Variants in IGSF8 observed in about 807,000 individuals in gnomAD.
The protein encoded by IGSF8 is immunoglobulin superfamily member 8.
IGSF8 carries 46 observed loss-of-function variants against 55.5 expected under a neutral mutation model. That is an observed-to-expected ratio of 0.83 (90% confidence interval 0.65 to 1.06). IGSF8 has a LOEUF of 1.06. Ranked by LOEUF, IGSF8 falls within the 50% of genes least tolerant of loss-of-function variation. IGSF8 has a pLI of 0.00. For missense variants in IGSF8, 731 were observed against 832.3 expected (o/e 0.88, Z 1.50); for synonymous variants, 314 against 356.1 (o/e 0.88, Z 1.33).
At chr1:160,096,030 C>A (rs1650410184) in intron 1 of IGSF8, among the ~76,000 whole-genome samples, 1 of 152,208 alleles carries the variant, frequency 6.6e-6, no homozygotes, top group Admixed American at 6.5e-5. Flanking sequence ...GGTATGCATT[C>A]ATTTACATAT....
rs1649965542 is a variant in IGSF8 at position 160,091,721 on chromosome 1, G to A, written c.*15+87C>T. ...ATCTGAGCTGCCTACTCCTCCTCCA[G>A]GTGGGGCCTGGGAGGGAGCAGCTTG... On this transcript the variant is annotated intron_variant, in intron 6 of 6. Transcript: ENST00000314485. 10 of 835,992 alleles carry A rather than the reference G, an allele frequency of 1.2e-5. No homozygotes were observed. The South Asian group carries it at 1.5e-4, about 12-fold the overall frequency. The allele number at this position is 835,992 out of a possible 1,614,324, so 51.8% of individuals were successfully genotyped here. A position where few individuals can be genotyped will look rare whatever the true frequency, so the allele number is the denominator to read the frequency against.
intron 1 of IGSF8, among the ~76,000 whole-genome samples, chr1:160,095,830 G>A (rs1650391945): frequency 6.6e-6 from 1 of 152,204 alleles, no homozygotes; most frequent in Admixed American, 6.5e-5. Flanking sequence ...GCTGCGCCAT[G>A]AGCTCACTGC....
chr1:160,092,123 T>G (rs1650001519), intron 5 of IGSF8, among the ~76,000 whole-genome samples, 159 bp downstream of exon 5: 1 of 152,024 alleles, frequency 6.6e-6, no homozygotes, highest in South Asian at 2.1e-4. Flanking sequence ...CCCGTGCAGG[T>G]GGGCACTGCA....
In IGSF8 at chr1:160,094,088, C is replaced by T. The variant is rs753454622; in HGVS notation, c.526G>A (p.Val176Met). Residue 176 changes from valine (V) to methionine (M), a missense_variant, in exon 3 of 7, where the codon GTG (valine) becomes ATG (methionine). By Grantham distance (21) the Val-to-Met change is conservative (BLOSUM62 1). Coordinates refer to ENST00000314485, the MANE Select transcript of IGSF8 (RefSeq NM_052868.6). The surrounding 1 kb of genome is among the most constrained non-coding windows in gnomAD (Gnocchi z 4.0). ...QAPTSPPRMTVHEGQELALGC... is the reference protein window; with the variant it reads ...QAPTSPPRMTMHEGQELALGC... The stretch of plus-strand genomic sequence containing the variant: ...AGTGCCAGCTCCTGCCCCTCATGCA[C>T]CGTCATGCGTGGGGGTGAGGTTGGG... The T allele has an allele frequency of 3.7e-6, 6 of 1,612,246 alleles. No homozygotes were observed. Among genetic ancestry groups the T allele is most frequent in the African/African-American group, 1.3e-5 (1 of 74,944 alleles).
In IGSF8 at chr1:160,098,390, G is replaced by A; in HGVS notation, c.64+19C>T. 1 of 1,552,458 alleles carries A rather than the reference G, an allele frequency of 6.4e-7. No homozygotes were observed. The highest frequency in any genetic ancestry group is 8.7e-7 in the Non-Finnish European group (1 of 1,147,064). On this transcript the variant is annotated intron_variant, in intron 1 of 6. Coordinates refer to ENST00000314485, the MANE Select transcript of IGSF8 (RefSeq NM_052868.6). ...ACCTGCCCGGCAGGGCCGGGAACCG[G>A]AACGGGGGCCTGGCTTACCTAGCAT... is the stretch of plus-strand genomic sequence containing the variant.
At chr1:160,097,588 C>T (rs984497145) in intron 1 of IGSF8, 21 of 637,070 alleles carry the variant, frequency 3.3e-5, no homozygotes, top group Non-Finnish European at 3.9e-5. Context: ...GTCTCCATGC[C>T]ATACTCTTCC....
In IGSF8 at chr1:160,092,574, G is replaced by T. The variant is rs1363652192; in HGVS notation, c.1434C>A (p.Ser478Arg). 5.0e-6 allele frequency: 8 copies of T among 1,609,728 alleles called. No homozygotes were observed. The highest frequency in any genetic ancestry group is 1.3e-5 in the African/African-American group (1 of 74,948). ...CGTCCTCTGGTCGCTCCACCCACCA[G>T]CTGGCGGCCAGCCGCAGTCCTGGGG... ...GGPPGLRLAA[S>R]WWVERPEDGE... The change falls in exon 5 of 7, where the codon AGC becomes AGA. Residue 478 changes from serine to arginine, a missense_variant. By Grantham distance (110) the Ser-to-Arg change is moderately radical. Transcript: ENST00000314485.
At position 160,094,965 on chromosome 1, in the gene IGSF8, G is replaced by A. The variant is rs369828144; in HGVS notation, c.346C>T (p.Arg116Cys). ...ATGCCGGCATCCTGGGCCTGCAGGCGGGCAATCTTGAGCACCACGGCATCA... is the reference window on the plus strand; with the variant it reads ...ATGCCGGCATCCTGGGCCTGCAGGCAGGCAATCTTGAGCACCACGGCATCA... ...QGDAVVLKIA[R>C]LQAQDAGIYE... Residue 116 changes from arginine to cysteine, a missense_variant, in exon 2 of 7, where the codon CGC (arginine) becomes TGC (cysteine). Physicochemically the swap from Arg to Cys is radical, Grantham distance 180. Transcript: ENST00000314485. The surrounding 1 kb of genome is among the most constrained non-coding windows in gnomAD (Gnocchi z 4.0). 86 of 1,614,080 alleles carry A rather than the reference G, an allele frequency of 5.3e-5. No individual in the cohort carries two copies. The highest frequency in any genetic ancestry group is 8.9e-5 in the East Asian group (4 of 44,886).
chr1:160,095,824 C>T (rs541108633), intron 1 of IGSF8, among the ~76,000 whole-genome samples: 32 of 152,344 alleles, frequency 2.1e-4, no homozygotes, highest in South Asian at 6.2e-4. Context: ...TCTCCAGCTG[C>T]GCCATGAGCT....
upstream of IGSF8, chr1:160,098,835 T>A: frequency 1.1e-5 from 1 of 89,518 alleles, no homozygotes; most frequent in Non-Finnish European, 1.9e-5. Context: ...GAAACTCACC[T>A]TTGAGTCGCA....
chr1:160,092,273 G>A lies in IGSF8; in HGVS notation c.1726+9C>T, dbSNP rs1366751471. 3.1e-6 allele frequency: 5 copies of A among 1,612,948 alleles called. No homozygotes were observed. The highest frequency in any genetic ancestry group is 1.1e-5 in the South Asian group (1 of 91,060). On this transcript the variant is annotated intron_variant, in intron 5 of 6. Coordinates refer to ENST00000314485, the MANE Select transcript of IGSF8 (RefSeq NM_052868.6). ...GCAGAGTGAGGAGGGTGGAGGGGGT[G>A]TCACTCACCATGCATGTAGGGGTAG... is the stretch of plus-strand genomic sequence containing the variant.
chr1:160,094,816 G>T lies in IGSF8; in HGVS notation c.442+53C>A, dbSNP rs1650298473. ...AACTAGATAGGTCACTTGTGGCCTTGACTTTCTGCCTTGAGAGGGTGTGTG... is the reference window on the plus strand; with the variant it reads ...AACTAGATAGGTCACTTGTGGCCTTTACTTTCTGCCTTGAGAGGGTGTGTG... On this transcript the variant is annotated intron_variant, in intron 2 of 6. Transcript: ENST00000314485. The surrounding 1 kb of genome is among the most constrained non-coding windows in gnomAD (Gnocchi z 4.0). The T allele has an allele frequency of 1.9e-6, 3 of 1,558,708 alleles. No individual in the cohort carries two copies. Among genetic ancestry groups the T allele is most frequent in the East Asian group, 2.3e-5 (1 of 44,156 alleles).
Position 160,098,467 on chromosome 1 carries a change from G to A in IGSF8, c.6C>T (p.Gly2=). 3.9e-6 allele frequency: 6 copies of A among 1,541,606 alleles called. No individual in the cohort carries two copies. Among genetic ancestry groups the A allele is most frequent in the Non-Finnish European group, 5.2e-6 (6 of 1,144,194 alleles). The change falls in exon 1 of 7, where the codon GGC becomes GGT. Residue 2 remains glycine, a synonymous_variant. Coordinates refer to ENST00000314485, the MANE Select transcript of IGSF8 (RefSeq NM_052868.6). ...GCGGCAGCAGCGTGGGCCTGAGGGC[G>A]CCCATCCTGCGCGGCCAGCTCTGGG... is the stretch of plus-strand genomic sequence containing the variant. M[G]ALRPTLLPPS...
At position 160,093,293 on chromosome 1, in the gene IGSF8, G is replaced by C. The variant is rs145804168; in HGVS notation, c.943C>G (p.Arg315Gly). The C allele has an allele frequency of 1.2e-6, 2 of 1,603,450 alleles. No homozygotes were observed. The highest frequency in any genetic ancestry group is 4.5e-5 in the East Asian group (2 of 44,580). ...TCCAAGGGCTCCCCTGGGCCGATCC[G>C]ACGTTCACCAGGCCCCACTGTCACT... ...LAVTVGPGER[R>G]IGPGEPLELL... Residue 315 changes from arginine to glycine, a missense_variant, in exon 4 of 7, where the codon CGG (arginine) becomes GGG (glycine). Physicochemically the swap from Arg to Gly is moderately radical, Grantham distance 125. Transcript: ENST00000314485.
chr1:160,097,961 C>G (rs1650555112), intron 1 of IGSF8: 1 of 985,364 alleles, frequency 1.0e-6, no homozygotes, highest in Non-Finnish European at 1.2e-6. Flanking sequence ...CTTCAAAGAT[C>G]GTGGGCAGAA....
Position 160,093,059 on chromosome 1 carries a change from G to C in IGSF8, c.1177C>G (p.Leu393Val), listed in dbSNP as rs894158251. 6.2e-7 allele frequency: 1 copy of C among 1,614,044 alleles called. No individual in the cohort carries two copies. The highest frequency in any genetic ancestry group is 1.3e-5 in the African/African-American group (1 of 74,922). Residue 393 changes from leucine to valine, a missense_variant, in exon 4 of 7, where the codon CTA becomes GTA. Coordinates refer to ENST00000314485, the MANE Select transcript of IGSF8 (RefSeq NM_052868.6). ...GCATCACCAGGCCTGGCAGCCTCTA[G>C]CCGTAGCCGGTATGTTCTGGATGCC... ...KVASRTYRLRLEAARPGDAGT... is the reference protein window; with the variant it reads ...KVASRTYRLRVEAARPGDAGT...
chr1:160,094,108 G>A lies in IGSF8; in HGVS notation c.506C>T (p.Thr169Ile). 1 of 1,610,692 alleles carries A rather than the reference G, an allele frequency of 6.2e-7. No homozygotes were observed. The highest frequency in any genetic ancestry group is 8.5e-7 in the Non-Finnish European group (1 of 1,180,002). ...ATGCACCGTCATGCGTGGGGGTGAG[G>A]TTGGGGCCTGGCGGCCTCGGGGCCC... is the stretch of plus-strand genomic sequence containing the variant. Reference protein sequence around the residue: ...PPGPRGRQAPTSPPRMTVHEG... With the variant: ...PPGPRGRQAPISPPRMTVHEG... The change falls in exon 3 of 7, where the codon ACC becomes ATC. Residue 169 changes from threonine (T) to isoleucine (I), a missense_variant. Thr to Ile is a moderately conservative substitution (Grantham distance 89, BLOSUM62 -1). Coordinates refer to ENST00000314485, the MANE Select transcript of IGSF8 (RefSeq NM_052868.6). The surrounding 1 kb of genome is among the most constrained non-coding windows in gnomAD (Gnocchi z 4.0).
At position 160,095,246 on chromosome 1, in the gene IGSF8, C is replaced by A; in HGVS notation, c.65G>T (p.Gly22Val). 6.3e-7 allele frequency: 1 copy of A among 1,598,536 alleles called. No individual in the cohort carries two copies. The change falls in exon 2 of 7, where the codon GGA becomes GTA. Residue 22 changes from glycine (G) to valine (V), a missense_variant and splice_region_variant. Transcript: ENST00000314485. ...CACCTCCCGGGCCCAGCATCCCATT[C>A]CTGTAGGGAAAGGCAGAAGGAGTTG... is the stretch of plus-strand genomic sequence containing the variant. ...SLPLLLLLML[G>V]MGCWAREVLV...
chr1:160,097,715 A>G, intron 1 of IGSF8: 1 of 985,318 alleles, frequency 1.0e-6, no homozygotes, highest in Non-Finnish European at 1.2e-6. Flanking sequence ...CACCCACCAC[A>G]GCAGGCACAA....
Sources: allele counts gnomAD v4.1 joint callset (sites outside exome capture counted in the v4.1 genomes callset), GRCh38; gene constraint gnomAD v4.1.1; non-coding constraint Gnocchi (gnomAD v3.1); transcripts MANE v1.5; gene names NCBI Gene and HGNC (gene_info 2026-07-23, HGNC 2026-07-21).